The following NLGN4X variants were observed in gnomAD, a reference collection of about 807,000 sequenced individuals.
The protein encoded by NLGN4X is neuroligin-4, X-linked.
Under a neutral mutation model 40.3 loss-of-function variants are expected in NLGN4X, and 3 were observed. That is an observed-to-expected ratio of 0.07 (90% confidence interval 0.03 to 0.19). The LOEUF (loss-of-function observed/expected upper bound fraction) is 0.19, where lower values mean the gene tolerates loss of function less well. Among genes scored for constraint, NLGN4X ranks in the 10% least tolerant of loss-of-function variants. The pLI is 1.00. For synonymous variants in NLGN4X, 270 were observed against 306.8 expected (o/e 0.88, Z 1.25); for missense variants, 382 against 708.3 (o/e 0.54, Z 5.23).
intron 2 of NLGN4X, among the ~76,000 whole-genome samples, chrX:6,146,674 C>G (rs1485748803): frequency 1.0e-5 from 1 of 97,327 alleles, no homozygotes; most frequent in Non-Finnish European, 2.0e-5. Flanking sequence ...TTAATATCTT[C>G]CTTTTTCAAT....
At chrX:5,980,475 CT>C (rs1266350117) in intron 3 of NLGN4X, among the ~76,000 whole-genome samples, 7,779 of 91,417 alleles carry the variant, frequency 0.085, 870 homozygotes, top group African/African-American at 0.29. Context: ...CAAAATTTTT[CT>C]TTTTTTTTTT....
At chrX:5,989,793 C>T (rs2035629101) in intron 3 of NLGN4X, among the ~76,000 whole-genome samples, 1 of 111,474 alleles carries the variant, frequency 9.0e-6, no homozygotes, top group African/African-American at 3.3e-5. Flanking sequence ...CCATTGGATG[C>T]CTCAAGCTGT....
intron 1 of NLGN4X, among the ~76,000 whole-genome samples, chrX:6,161,002 T>C (rs2040376607): frequency 1.0e-5 from 1 of 98,328 alleles, no homozygotes; most frequent in African/African-American, 3.7e-5. Flanking sequence ...ATATAAAATA[T>C]ATTATTCTAT....
At chrX:5,986,784 T>C (rs2035541139) in intron 3 of NLGN4X, among the ~76,000 whole-genome samples, 1 of 111,539 alleles carries the variant, frequency 9.0e-6, no homozygotes, top group Admixed American at 9.6e-5. Flanking sequence ...AACCTCAGAG[T>C]AAACACAGTG....
chrX:6,189,952 A>G (rs1376850880), intron 1 of NLGN4X, among the ~76,000 whole-genome samples: 1 of 109,907 alleles, frequency 9.1e-6, no homozygotes, highest in East Asian at 2.8e-4. Context: ...TTGATTATTT[A>G]GCTGTATATG....
At chrX:6,203,029 A>T in intron 1 of NLGN4X, among the ~76,000 whole-genome samples, 1 of 112,456 alleles carries the variant, frequency 8.9e-6, no homozygotes, top group Non-Finnish European at 1.9e-5. Flanking sequence ...CTAGATCTCA[A>T]CTTGCATTAC....
chrX:6,158,190 C>T (rs2040311715), intron 1 of NLGN4X, among the ~76,000 whole-genome samples: 2 of 111,699 alleles, frequency 1.8e-5, no homozygotes, highest in Admixed American at 1.9e-4. Context: ...GAGGCATACA[C>T]CTGTAGTGCC....
At chrX:6,127,795 T>C (rs1245788849) in intron 2 of NLGN4X, among the ~76,000 whole-genome samples, 9 of 111,836 alleles carry the variant, frequency 8.0e-5, no homozygotes, top group Non-Finnish European at 1.7e-4. Flanking sequence ...GATGTTGGGG[T>C]AGAACAGGAT....
intron 3 of NLGN4X, among the ~76,000 whole-genome samples, chrX:5,948,148 C>T (rs1026053188): frequency 9.0e-6 from 1 of 111,483 alleles, no homozygotes; most frequent in East Asian, 2.8e-4. Context: ...AAAGGAAAGA[C>T]ATATACAAAC....
chrX:6,049,059 T>A (rs2037402923), intron 2 of NLGN4X, among the ~76,000 whole-genome samples: 1 of 103,464 alleles, frequency 9.7e-6, no homozygotes, highest in Non-Finnish European at 2.0e-5. Flanking sequence ...ATGAACATTA[T>A]TTTTGCATAT....
chrX:6,009,066 AGTGT>A (rs80266407), intron 3 of NLGN4X, among the ~76,000 whole-genome samples: 2 of 108,127 alleles, frequency 1.8e-5, no homozygotes, highest in Non-Finnish European at 3.9e-5. Context: ...CCATTTCAGC[AGTGT>A]GTGTGTGTGT....
intron 3 of NLGN4X, among the ~76,000 whole-genome samples, chrX:5,944,999 G>C (rs947394988): frequency 8.9e-6 from 1 of 112,031 alleles, no homozygotes; most frequent in African/African-American, 3.2e-5. Context: ...CACATACCCA[G>C]TGCTGTAAAG....
chrX:6,224,323 A>G (rs1925963799), intron 1 of NLGN4X, among the ~76,000 whole-genome samples: 1 of 112,029 alleles, frequency 8.9e-6, no homozygotes, highest in South Asian at 3.7e-4. Flanking sequence ...TAGTTTTTTG[A>G]GAACCTTTTG....
chrX:6,134,061 C>A (rs888084475), intron 2 of NLGN4X, among the ~76,000 whole-genome samples: 2 of 111,023 alleles, frequency 1.8e-5, no homozygotes, highest in Non-Finnish European at 3.8e-5. Context: ...CCTTGCTTCC[C>A]ATCTCTAAAA....
intron 2 of NLGN4X, among the ~76,000 whole-genome samples, chrX:6,127,834 C>T (rs1369635324): frequency 9.0e-6 from 1 of 111,643 alleles, no homozygotes; most frequent in Non-Finnish European, 1.9e-5. Context: ...GTAGGAGAAA[C>T]CGTTAGAAAG....
intron 2 of NLGN4X, among the ~76,000 whole-genome samples, chrX:6,070,252 G>A (rs769363738): frequency 4.6e-5 from 5 of 109,719 alleles, no homozygotes; most frequent in African/African-American, 6.7e-5. Flanking sequence ...ATGTTTCCAC[G>A]TTAGCAGGTG....
chrX:6,076,715 T>C (rs1203402092), intron 2 of NLGN4X, among the ~76,000 whole-genome samples: 2 of 112,342 alleles, frequency 1.8e-5, no homozygotes, highest in Non-Finnish European at 3.8e-5. Flanking sequence ...TGGAAGAATG[T>C]ATCAGATGAA....
At chrX:6,085,049 G>T (rs1218747025) in intron 2 of NLGN4X, among the ~76,000 whole-genome samples, 1 of 109,157 alleles carries the variant, frequency 9.2e-6, no homozygotes, top group Admixed American at 1.0e-4. Context: ...TGGGACACAA[G>T]AAATTGATAT....
At chrX:6,200,099 AACTACTC>A (rs1923455977) in intron 1 of NLGN4X, among the ~76,000 whole-genome samples, 1 of 112,090 alleles carries the variant, frequency 8.9e-6, no homozygotes, top group Non-Finnish European at 1.9e-5. Flanking sequence ...AGTGTCTTAC[AACTACTC>A]ATTTCTTTAA....
Sources: allele counts gnomAD v4.1 joint callset (sites outside exome capture counted in the v4.1 genomes callset), GRCh38; gene constraint gnomAD v4.1.1; transcripts MANE v1.5; gene names NCBI Gene and HGNC (gene_info 2026-07-23, HGNC 2026-07-21).